The following MEI4 variants were observed in gnomAD, a reference collection of about 807,000 sequenced individuals.
MEI4 encodes meiotic double-stranded break formation protein 4.
A neutral mutation model predicts 31.4 loss-of-function variants in MEI4; 27 were observed. The observed-to-expected ratio is 0.86, with a 90% CI of 0.63 to 1.19. MEI4 has a LOEUF of 1.19. MEI4 is among the 50% of genes most tolerant of loss of function. The pLI is 0.00. For missense variants in MEI4, 329 were observed against 398.9 expected (o/e 0.82, Z 1.49); for synonymous variants, 122 against 145.4 (o/e 0.84, Z 1.16).
At chr6:77,756,678 C>T (rs1350104390) in intron 2 of MEI4, among the ~76,000 whole-genome samples, 7 of 151,338 alleles carry the variant, frequency 4.6e-5, no homozygotes, top group South Asian at 2.1e-4. Context: ...TCCCCCCCGC[C>T]GCCTTCTCCT....
chr6:77,907,048 A>C (rs1184812288), intron 4 of MEI4, among the ~76,000 whole-genome samples: 1 of 150,678 alleles, frequency 6.6e-6, no homozygotes, highest in Non-Finnish European at 1.5e-5. Context: ...TTTTTTTTTA[A>C]GGTATGGTTA....
chr6:77,861,060 C>T (rs1403780114), intron 4 of MEI4, among the ~76,000 whole-genome samples: 1 of 152,166 alleles, frequency 6.6e-6, no homozygotes, highest in East Asian at 1.9e-4. Context: ...GAATTTCTCC[C>T]AACCCCATCA....
intron 2 of MEI4, among the ~76,000 whole-genome samples, chr6:77,743,988 C>A (rs548925968): frequency 6.6e-6 from 1 of 152,096 alleles, no homozygotes; most frequent in African/African-American, 2.4e-5. Flanking sequence ...TCATTAAAGA[C>A]CAAAAGTAGA....
chr6:77,735,683 G>T (rs1329866359), intron 2 of MEI4, among the ~76,000 whole-genome samples: 1 of 152,094 alleles, frequency 6.6e-6, no homozygotes, highest in South Asian at 2.1e-4. Flanking sequence ...GTGAGGAGCT[G>T]CGTTCCTTTG....
At chr6:77,883,888 A>G (rs1771560517) in intron 4 of MEI4, among the ~76,000 whole-genome samples, 1 of 151,366 alleles carries the variant, frequency 6.6e-6, no homozygotes, top group Non-Finnish European at 1.5e-5. Flanking sequence ...AATACTTGGT[A>G]ATGGTATTGC....
chr6:77,793,940 C>G (rs752612209), intron 3 of MEI4, among the ~76,000 whole-genome samples: 3 of 152,052 alleles, frequency 2.0e-5, no homozygotes, highest in Non-Finnish European at 4.4e-5. Context: ...CCTTACCTGT[C>G]AATAATTCCT....
rs200983937 is a variant in MEI4, at chr6:77,690,948, T to C, written c.232+45T>C. 1,633 of 985,396 alleles carry C rather than the reference T, an allele frequency of 1.7e-3. 3 individuals carry two copies. Among genetic ancestry groups the C allele is most frequent in the Non-Finnish European group, 2.0e-3 (1,525 of 762,944 alleles). The allele number at this position is 985,396 out of a possible 1,614,324, so 61.0% of individuals were successfully genotyped here. A position where few individuals can be genotyped will look rare whatever the true frequency, so the allele number is the denominator to read the frequency against. ...TTTTGGTAGTATGTCATACTTGTTT[T>C]ATTTCAGTTGCACAATTATTTAGAA... On this transcript the variant is annotated intron_variant, in intron 2 of 4. Transcript: ENST00000684080.
chr6:77,818,249 T>G (rs1230449773), intron 3 of MEI4, among the ~76,000 whole-genome samples: 1 of 152,198 alleles, frequency 6.6e-6, no homozygotes, highest in African/African-American at 2.4e-5. Flanking sequence ...ATTTTATATC[T>G]AATTTTGTTT....
Position 77,761,530 on chromosome 6 carries a change from A to T in MEI4, c.633A>T (p.Glu211Asp), listed in dbSNP as rs973293129. 1 of 1,232,044 alleles carries T rather than the reference A, an allele frequency of 8.1e-7. No homozygotes were observed. Among genetic ancestry groups the T allele is most frequent in the African/African-American group, 1.6e-5 (1 of 64,414 alleles). The allele number at this position is 1,232,044 out of a possible 1,614,324, so 76.3% of individuals were successfully genotyped here. A position where few individuals can be genotyped will look rare whatever the true frequency, so the allele number is the denominator to read the frequency against. The change falls in exon 3 of 5, where the codon GAA (glutamate) becomes GAT (aspartate). Residue 211 changes from glutamate (E) to aspartate (D), a missense_variant. Transcript: ENST00000684080. ...PKLPFSRFWT[E>D]AVGTLASLIS... ...TTCCTTTTTCAAGATTTTGGACAGA[A>T]GCTGTTGGTACTTTAGCTAGTCTGA...
intron 3 of MEI4, among the ~76,000 whole-genome samples, chr6:77,803,699 C>A (rs930880781): frequency 1.3e-5 from 2 of 152,144 alleles, no homozygotes; most frequent in African/African-American, 4.8e-5. Context: ...CATTCAGGAC[C>A]CTCAGCTGCA....
intron 4 of MEI4, among the ~76,000 whole-genome samples, chr6:77,917,839 G>T (rs976459905): frequency 1.4e-5 from 2 of 148,042 alleles, no homozygotes; most frequent in Non-Finnish European, 1.5e-5. Flanking sequence ...TGAAGTCGTT[G>T]CCCATGCCTA....
chr6:77,724,939 C>G (rs2127664738), intron 2 of MEI4, among the ~76,000 whole-genome samples: 1 of 144,496 alleles, frequency 6.9e-6, no homozygotes, highest in African/African-American at 2.6e-5. Flanking sequence ...ATACCGCTTC[C>G]AGGGGCATCA....
At chr6:77,857,053 T>G (rs1277839056) in intron 4 of MEI4, among the ~76,000 whole-genome samples, 1 of 152,222 alleles carries the variant, frequency 6.6e-6, no homozygotes, top group Non-Finnish European at 1.5e-5. Context: ...CAAATTTTTC[T>G]TTCTAGAATC....
rs930228816 is a variant in MEI4 at position 77,744,789 on chromosome 6, G to T, written c.233-16341G>T. 4.6e-5 allele frequency among the ~76,000 whole-genome samples: 7 copies of T among 152,192 alleles called. No individual in the cohort carries two copies. The South Asian group carries it at 1.0e-3, about 22-fold the overall frequency. ...CGATCTCTCGGCAGAAACCCTAGAAGCCAGAAGAGAGTGGGGGCCAATATT... is the reference window on the plus strand; with the variant it reads ...CGATCTCTCGGCAGAAACCCTAGAATCCAGAAGAGAGTGGGGGCCAATATT... On this transcript the variant is annotated intron_variant, in intron 2 of 4. Coordinates refer to ENST00000684080, the MANE Select transcript of MEI4 (RefSeq NM_001322247.2).
intron 1 of MEI4, among the ~76,000 whole-genome samples, chr6:77,661,208 C>T (rs968902768): frequency 6.6e-6 from 1 of 152,106 alleles, no homozygotes; most frequent in Non-Finnish European, 1.5e-5. Context: ...CTTTAAAAGA[C>T]CATTAGTCCG....
chr6:77,760,969 C>T (rs910020368), intron 2 of MEI4, among the ~76,000 whole-genome samples, 161 bp from the exon 3 acceptor site: 1 of 152,150 alleles, frequency 6.6e-6, no homozygotes, highest in Non-Finnish European at 1.5e-5. Flanking sequence ...CAATTTCTTT[C>T]ACAGTTTTTT....
chr6:77,870,572 C>G (rs1771165774), intron 4 of MEI4, among the ~76,000 whole-genome samples: 1 of 149,248 alleles, frequency 6.7e-6, no homozygotes, highest in Non-Finnish European at 1.5e-5. Flanking sequence ...TTAATTCTGG[C>G]ACAACTTTTT....
chr6:77,911,250 T>C (rs1409337057), intron 4 of MEI4, among the ~76,000 whole-genome samples: 1 of 152,148 alleles, frequency 6.6e-6, no homozygotes, highest in Non-Finnish European at 1.5e-5. Context: ...TCCTTTGCTA[T>C]GCAGAATCTT....
intron 1 of MEI4, among the ~76,000 whole-genome samples, chr6:77,653,848 C>T (rs928247803): frequency 6.6e-6 from 1 of 152,054 alleles, no homozygotes; most frequent in African/African-American, 2.4e-5. Context: ...AGGAAGTCAA[C>T]CCCCCATCAT....
Sources: allele counts gnomAD v4.1 joint callset (sites outside exome capture counted in the v4.1 genomes callset), GRCh38; gene constraint gnomAD v4.1.1; transcripts MANE v1.5; gene names NCBI Gene and HGNC (gene_info 2026-07-23, HGNC 2026-07-21).